LMO7: variants seen among roughly 807,000 people sequenced by gnomAD.
LMO7 encodes LIM domain only protein 7.
A neutral mutation model predicts 206.5 loss-of-function variants in LMO7; 120 were observed. The ratio of observed to expected loss-of-function variants is 0.58; its 90% CI spans 0.50 to 0.68. LMO7 has a LOEUF of 0.68. LMO7 is among the 30% of genes least tolerant of loss of function. LMO7 has a pLI of 0.00. For missense variants in LMO7, 1,959 were observed against 1,957.9 expected, an observed-to-expected ratio of 1.00 and a Z score of -0.01; for synonymous variants, 706 against 681.5, an observed-to-expected ratio of 1.04 and a Z score of -0.56.
At chr13:75,835,933 A>G (rs2059077093) in intron 18 of LMO7, among the ~76,000 whole-genome samples, 1 of 152,128 alleles carries the variant, frequency 6.6e-6, no homozygotes, top group Admixed American at 6.5e-5. Flanking sequence ...TGTTCATTTA[A>G]ATTAATAATT....
At chr13:75,641,931 A>T (rs989236376) in intron 1 of LMO7, among the ~76,000 whole-genome samples, 4 of 151,772 alleles carry the variant, frequency 2.6e-5, no homozygotes, top group Non-Finnish European at 5.9e-5. Flanking sequence ...AAGTGCTGGG[A>T]TTACAGGGCG....
chr13:75,704,068 CAATG>C (rs897406166), intron 1 of LMO7, among the ~76,000 whole-genome samples: 1 of 152,090 alleles, frequency 6.6e-6, no homozygotes, highest in African/African-American at 2.4e-5. Flanking sequence ...GTTGTTTCGA[CAATG>C]AAGTTTAATG....
chr13:75,658,735 C>T (rs1343588502), intron 1 of LMO7, among the ~76,000 whole-genome samples: 1 of 151,982 alleles, frequency 6.6e-6, no homozygotes, highest in Non-Finnish European at 1.5e-5. Context: ...AGGCGCCCAC[C>T]ACCACGCCCA....
Position 75,840,380 on chromosome 13 carries a change from T to C in LMO7, c.3478-11T>C. ...TTCTCTATTTGCATCTCTTCTCTGA[T>C]AACTGGTTAGCTTCCAGTTCCAACC... On this transcript the variant is annotated splice_polypyrimidine_tract_variant and intron_variant, in intron 21 of 30. Coordinates refer to ENST00000377534, the MANE Select transcript of LMO7 (RefSeq NM_001306080.2). 6.2e-7 allele frequency: 1 copy of C among 1,613,886 alleles called. No homozygotes were observed. Among genetic ancestry groups the C allele is most frequent in the Non-Finnish European group, 8.5e-7 (1 of 1,179,852 alleles).
intron 23 of LMO7, 99 bp downstream of exon 23, chr13:75,841,300 C>T: frequency 1.3e-6 from 1 of 759,030 alleles, no homozygotes; most frequent in Non-Finnish European, 2.2e-6. Context: ...CACCTTTGAC[C>T]ATATGTTCAC....
chr13:75,675,124 T>C (rs2039900450), intron 1 of LMO7, among the ~76,000 whole-genome samples: 1 of 151,802 alleles, frequency 6.6e-6, no homozygotes, highest in African/African-American at 2.4e-5. Flanking sequence ...TCGCCCAGGC[T>C]GGAGTGCAGT....
At chr13:75,857,678 A>G (rs950888143) in intron 30 of LMO7, 10 of 345,606 alleles carry the variant, frequency 2.9e-5, no homozygotes, top group Non-Finnish European at 4.7e-5. Context: ...AAAACAAATA[A>G]TAGAGAGTTG....
chr13:75,804,272 T>C lies in LMO7; in HGVS notation c.662-17T>C, dbSNP rs1454153411. 6.2e-7 allele frequency: 1 copy of C among 1,605,800 alleles called. No individual in the cohort carries two copies. The highest frequency in any genetic ancestry group is 8.5e-7 in the Non-Finnish European group (1 of 1,174,540). ...ATAATCTGGAGAGTAAAGCAAATTC[T>C]TGTGCCTTCTTTATAGGTTTTGAAA... On this transcript the variant is annotated splice_polypyrimidine_tract_variant and intron_variant, in intron 7 of 30. Transcript: ENST00000377534.
intron 2 of LMO7, among the ~76,000 whole-genome samples, chr13:75,723,463 G>C (rs886151433): frequency 1.3e-5 from 2 of 152,086 alleles, no homozygotes; most frequent in African/African-American, 4.8e-5. Context: ...AGCTCAAAAG[G>C]TGTCCATAAA....
chr13:75,817,152 T>C lies in LMO7; in HGVS notation c.1947-9T>C. 1 of 1,600,438 alleles carries C rather than the reference T, an allele frequency of 6.2e-7. No homozygotes were observed. Among genetic ancestry groups the C allele is most frequent in the Non-Finnish European group, 8.6e-7 (1 of 1,168,374 alleles). On this transcript the variant is annotated splice_polypyrimidine_tract_variant and intron_variant, in intron 11 of 30. Coordinates refer to ENST00000377534, the MANE Select transcript of LMO7 (RefSeq NM_001306080.2). Reference sequence around the variant, plus strand: ...ACTTCCGTAGTAACCATGAGTCTTTTTGTTGTAGGAGTAAGTCCATGAGTG... The same window carrying C: ...ACTTCCGTAGTAACCATGAGTCTTTCTGTTGTAGGAGTAAGTCCATGAGTG...
chr13:75,654,987 C>T (rs1198554720), intron 1 of LMO7, among the ~76,000 whole-genome samples: 1 of 151,824 alleles, frequency 6.6e-6, no homozygotes, highest in Non-Finnish European at 1.5e-5. Context: ...TCTCCTGCCT[C>T]AGCCTCCTGA....
chr13:75,738,766 T>A (rs1229092668), intron 3 of LMO7, among the ~76,000 whole-genome samples: 4 of 152,188 alleles, frequency 2.6e-5, no homozygotes, highest in African/African-American at 9.7e-5. Context: ...ATCCTGATGG[T>A]AAGAAGAGCT....
intron 4 of LMO7, among the ~76,000 whole-genome samples, chr13:75,763,708 T>G (rs1235985278): frequency 1.3e-5 from 2 of 152,166 alleles, no homozygotes; most frequent in Non-Finnish European, 2.9e-5. Context: ...TGACGCATAC[T>G]GAGAGCAAAT....
At chr13:75,680,386 T>C (rs570412941) in intron 1 of LMO7, among the ~76,000 whole-genome samples, 1 of 152,338 alleles carries the variant, frequency 6.6e-6, no homozygotes, top group South Asian at 2.1e-4. Context: ...TATAATAGAA[T>C]GATTTATCCT....
chr13:75,847,594 A>G (rs9530474), intron 26 of LMO7, among the ~76,000 whole-genome samples: 97,874 of 152,012 alleles, frequency 0.64, 31,976 homozygotes, highest in Middle Eastern at 0.71. Flanking sequence ...CTCCCCAGGG[A>G]GAGTATATAT....
At chr13:75,729,964 C>G (rs1275280333) in intron 3 of LMO7, among the ~76,000 whole-genome samples, 1 of 152,028 alleles carries the variant, frequency 6.6e-6, no homozygotes, top group Non-Finnish European at 1.5e-5. Context: ...AGCCTTGCAT[C>G]CCAGGGATGA....
chr13:75,639,676 T>G lies in LMO7; in HGVS notation c.69+2950T>G, dbSNP rs146157735. 2.0e-5 allele frequency among the ~76,000 whole-genome samples: 3 copies of G among 152,322 alleles called. No homozygotes were observed. The East Asian group carries it at 5.8e-4, about 29-fold the overall frequency. On this transcript the variant is annotated intron_variant, in intron 1 of 30. Coordinates refer to ENST00000377534, the MANE Select transcript of LMO7 (RefSeq NM_001306080.2). ...TCTGTTGTGGGTCATCCGAAAGCCA[T>G]GTGGTAAACAGACAAAATACTAATG...
At chr13:75,681,735 T>C (rs2040536215) in intron 1 of LMO7, among the ~76,000 whole-genome samples, 2 of 136,504 alleles carry the variant, frequency 1.5e-5, no homozygotes, top group Non-Finnish European at 1.6e-5. Flanking sequence ...TATATATATA[T>C]ATATATATAT....
intron 1 of LMO7, among the ~76,000 whole-genome samples, chr13:75,680,583 T>TA (rs986409338): frequency 2.3e-4 from 35 of 151,964 alleles, no homozygotes; most frequent in African/African-American, 8.4e-4. Flanking sequence ...TTTTTTTTTT[T>TA]AATTTTACTT....
Sources: gnomAD v4.1 joint callset for allele counts (sites outside exome capture counted in the v4.1 genomes callset) on GRCh38, gnomAD v4.1.1 for gene constraint, MANE v1.5 for transcripts, NCBI Gene and HGNC (gene_info 2026-07-23, HGNC 2026-07-21) for gene names.